Variants in CCDC7 observed in about 807,000 individuals in gnomAD.
CCDC7 encodes coiled-coil domain containing 7.
Under a neutral mutation model 196.9 loss-of-function variants are expected in CCDC7, and 183 were observed. The observed-to-expected ratio is 0.93, with a 90% CI of 0.82 to 1.05. The LOEUF (loss-of-function observed/expected upper bound fraction) is 1.05. Ranked by LOEUF, CCDC7 falls within the 50% of genes least tolerant of loss-of-function variation. The probability of loss-of-function intolerance (pLI) is 0.00; values close to 1 mark genes in which losing one functional copy is unlikely to be tolerated. For missense variants in CCDC7, 1,540 were observed against 1,482.2 expected, an observed-to-expected ratio of 1.04 and a Z score of -0.64; for synonymous variants, 525 against 484.6, an observed-to-expected ratio of 1.08 and a Z score of -1.10.
intron 29 of CCDC7, among the ~76,000 whole-genome samples, chr10:32,797,585 C>T (rs969649934): frequency 6.8e-6 from 1 of 147,936 alleles, no homozygotes; most frequent in East Asian, 2.0e-4. Context: ...GTCTGATGGG[C>T]GCACCAAAAT....
At chr10:32,500,082 C>T (rs535402346) in intron 9 of CCDC7, among the ~76,000 whole-genome samples, 132 of 152,376 alleles carry the variant, frequency 8.7e-4, no homozygotes, top group African/African-American at 3.1e-3. Flanking sequence ...AAAACCGCCA[C>T]TGTCATCATG....
intron 11 of CCDC7, among the ~76,000 whole-genome samples, chr10:32,525,276 T>C (rs1487729132): frequency 6.6e-6 from 1 of 152,018 alleles, no homozygotes; most frequent in East Asian, 1.9e-4. Flanking sequence ...AAAACCCAAA[T>C]AGCCTGTCTT....
At chr10:32,835,443 C>A (rs2092527213) in intron 33 of CCDC7, among the ~76,000 whole-genome samples, 1 of 152,002 alleles carries the variant, frequency 6.6e-6, no homozygotes, top group Admixed American at 6.6e-5. Flanking sequence ...AAATGCCCAT[C>A]AGTAATAGAC....
intron 24 of CCDC7, among the ~76,000 whole-genome samples, chr10:32,710,125 T>A (rs887875334): frequency 2.6e-5 from 4 of 152,182 alleles, no homozygotes; most frequent in Admixed American, 2.0e-4. Flanking sequence ...CATGACACTC[T>A]AAAGGAGGGG....
At chr10:32,797,300 T>C (rs1333775473) in intron 29 of CCDC7, among the ~76,000 whole-genome samples, 1 of 151,330 alleles carries the variant, frequency 6.6e-6, no homozygotes, top group Non-Finnish European at 1.5e-5. Context: ...TATATATACA[T>C]ATATAATATA....
chr10:32,626,526 A>T (rs907329499), intron 18 of CCDC7, among the ~76,000 whole-genome samples: 1 of 151,884 alleles, frequency 6.6e-6, no homozygotes, highest in Non-Finnish European at 1.5e-5. Context: ...TCTTCAAATT[A>T]TTAATAATTT....
chr10:32,826,366 C>G (rs767267283), intron 32 of CCDC7, among the ~76,000 whole-genome samples: 1 of 152,184 alleles, frequency 6.6e-6, no homozygotes, highest in African/African-American at 2.4e-5. Flanking sequence ...CACCTCTTGT[C>G]CTATTACTGG....
intron 21 of CCDC7, among the ~76,000 whole-genome samples, chr10:32,675,127 T>G (rs1044037544): frequency 1.3e-5 from 2 of 152,110 alleles, no homozygotes; most frequent in Non-Finnish European, 2.9e-5. Flanking sequence ...AGACTTACTA[T>G]TGCAATTATA....
chr10:32,780,108 A>G (rs2134293393), intron 29 of CCDC7, among the ~76,000 whole-genome samples: 1 of 152,272 alleles, frequency 6.6e-6, no homozygotes, highest in South Asian at 2.1e-4. Flanking sequence ...ATGGTGGTAC[A>G]CGCCTATAGT....
At chr10:32,744,254 A>G (rs531886508) in intron 28 of CCDC7, among the ~76,000 whole-genome samples, 2 of 152,324 alleles carry the variant, frequency 1.3e-5, no homozygotes, top group South Asian at 4.1e-4. Flanking sequence ...ACTGTTTGCT[A>G]AAAAGCATAA....
At chr10:32,720,982 AC>A (rs1312140634) in intron 25 of CCDC7, among the ~76,000 whole-genome samples, 2 of 152,146 alleles carry the variant, frequency 1.3e-5, no homozygotes, top group African/African-American at 4.8e-5. Context: ...AGTCCCAGCT[AC>A]TTGCGGGTGC....
chr10:32,546,481 A>G (rs1396719748), intron 13 of CCDC7, among the ~76,000 whole-genome samples: 1 of 152,246 alleles, frequency 6.6e-6, no homozygotes, highest in Admixed American at 6.5e-5. Context: ...TTTCTTAACA[A>G]CCATCTAGCA....
chr10:32,692,824 T>C (rs1007573929), intron 23 of CCDC7, among the ~76,000 whole-genome samples: 4 of 152,324 alleles, frequency 2.6e-5, no homozygotes, highest in African/African-American at 9.6e-5. Flanking sequence ...AAGGGTCAGA[T>C]GCATCAGTGT....
chr10:32,743,327 G>T (rs561272318), intron 28 of CCDC7, among the ~76,000 whole-genome samples: 1 of 152,124 alleles, frequency 6.6e-6, no homozygotes, highest in East Asian at 1.9e-4. Context: ...TGAGTAGATT[G>T]CAAAAATGTT....
intron 11 of CCDC7, among the ~76,000 whole-genome samples, chr10:32,538,398 G>C (rs919732479): frequency 1.3e-5 from 2 of 152,114 alleles, no homozygotes; most frequent in Admixed American, 1.3e-4. Flanking sequence ...CAAGCCTATG[G>C]AGTTTTCTAG....
In CCDC7 at chr10:32,547,880, G is replaced by A. The variant is rs1375765521; in HGVS notation, c.1134+3579G>A. ...TTTAGCAGTGATTTGTGAGATTTTG[G>A]TGCACCCATCATCCAAGCAGTATAC... is the stretch of plus-strand genomic sequence containing the variant. On this transcript the variant is annotated intron_variant, in intron 13 of 41. Coordinates refer to ENST00000639629, the Ensembl canonical transcript of CCDC7. Among the ~76,000 whole-genome samples the A allele has an allele frequency of 2.0e-5, 3 of 151,952 alleles. No individual in the cohort carries two copies. The East Asian group carries it at 5.8e-4, about 29-fold the overall frequency.
chr10:32,828,500 A>AGAGGAAGAGGAAGAGGAAGAG (rs1565634682), intron 32 of CCDC7, among the ~76,000 whole-genome samples: 1 of 117,008 alleles, frequency 8.5e-6, no homozygotes, highest in Non-Finnish European at 1.8e-5. Flanking sequence ...AAGAAGAAGA[A>AGAGGAAGAGGAAGAGGAAGAG]GAAGAAGAAG....
chr10:32,604,292 C>CT (rs1411976498), intron 18 of CCDC7, among the ~76,000 whole-genome samples: 1 of 151,954 alleles, frequency 6.6e-6, no homozygotes, highest in African/African-American at 2.4e-5. Flanking sequence ...TTCCATTGGT[C>CT]TATGTGTCTG....
chr10:32,633,662 T>G (rs2139555580), intron 18 of CCDC7, among the ~76,000 whole-genome samples: 1 of 149,660 alleles, frequency 6.7e-6, no homozygotes, highest in South Asian at 2.1e-4. Context: ...CCCTTTCTAA[T>G]TCTATTGATT....
Sources: allele counts gnomAD v4.1 joint callset (sites outside exome capture counted in the v4.1 genomes callset), GRCh38; gene constraint gnomAD v4.1.1; transcripts MANE v1.5; gene names NCBI Gene and HGNC (gene_info 2026-07-23, HGNC 2026-07-21).